The following HFM1 variants were observed in gnomAD, a reference collection of about 807,000 sequenced individuals.
HFM1 encodes the protein probable ATP-dependent DNA helicase HFM1.
A neutral mutation model predicts 192.1 loss-of-function variants in HFM1; 169 were observed. The observed-to-expected ratio is 0.88, with a 90% CI of 0.78 to 1.00. The LOEUF (loss-of-function observed/expected upper bound fraction) is 1.00. HFM1 is among the 50% of genes least tolerant of loss of function. HFM1 has a pLI of 0.00. For missense variants in HFM1, 1,661 were observed against 1,668.0 expected (o/e 1.00, Z 0.07); for synonymous variants, 525 against 537.8 (o/e 0.98, Z 0.33).
chr1:91,336,753 A>C (rs1441774889), intron 20 of HFM1, among the ~76,000 whole-genome samples: 1 of 152,198 alleles, frequency 6.6e-6, no homozygotes, highest in Non-Finnish European at 1.5e-5. Context: ...AGGAATACAA[A>C]TCATTCTTTT....
intron 20 of HFM1, among the ~76,000 whole-genome samples, chr1:91,338,097 C>T (rs1340492667): frequency 4.6e-5 from 7 of 152,150 alleles, no homozygotes; most frequent in Non-Finnish European, 7.4e-5. Flanking sequence ...GTGAGTTAAA[C>T]AGGTGAGGAG....
intron 4 of HFM1, among the ~76,000 whole-genome samples, chr1:91,390,438 A>G (rs1662817155): frequency 6.6e-6 from 1 of 151,756 alleles, no homozygotes. Flanking sequence ...TCCCAAAGAA[A>G]AAAAAAAAAA....
At position 91,394,158 on chromosome 1, in the gene HFM1, AG is replaced by A; in HGVS notation, c.428del (p.Pro143LeufsTer6). On this transcript the variant is annotated frameshift_variant, in exon 4 of 39. Transcript: ENST00000370425. LOFTEE classifies it high-confidence loss of function. ...CAAAATTAACTAATTTTGTATCATCAGGAACACTCTTCTCAGGTGCTATCTC... is the reference window on the plus strand; with the variant it reads ...CAAAATTAACTAATTTTGTATCATCAGAACACTCTTCTCAGGTGCTATCTC... ...GTEIAPEKSV[P>X]DDTKLVNFAE... 4 of 1,609,642 alleles carry A rather than the reference AG, an allele frequency of 2.5e-6. No homozygotes were observed. Among genetic ancestry groups the A allele is most frequent in the Non-Finnish European group, 2.6e-6 (3 of 1,176,428 alleles).
At chr1:91,263,309 G>T (rs995230398) in intron 36 of HFM1, among the ~76,000 whole-genome samples, 1 of 152,162 alleles carries the variant, frequency 6.6e-6, no homozygotes, top group Admixed American at 6.6e-5. Flanking sequence ...AGGCTAAAAT[G>T]TAACAGCCAT....
At position 91,347,484 on chromosome 1, in the gene HFM1, T is replaced by A. The variant is rs1022683228; in HGVS notation, c.2207-8A>T. 6.3e-7 allele frequency: 1 copy of A among 1,581,972 alleles called. No homozygotes were observed. The highest frequency in any genetic ancestry group is 1.7e-5 in the Admixed American group (1 of 57,270). ...TCAATCCAGATGCAAAACCTGCATG[T>A]CATGAAAAAGTAAAATAGAATTTAG... is the stretch of plus-strand genomic sequence containing the variant. On this transcript the variant is annotated splice_region_variant and splice_polypyrimidine_tract_variant and intron_variant, in intron 18 of 38. Transcript: ENST00000370425.
chr1:91,369,069 C>A (rs1483214924), intron 13 of HFM1, among the ~76,000 whole-genome samples: 1 of 152,114 alleles, frequency 6.6e-6, no homozygotes, highest in Non-Finnish European at 1.5e-5. Context: ...TATATATGCA[C>A]CCAATACAGG....
intron 9 of HFM1, 45 bp from the exon 10 acceptor site, chr1:91,378,525 A>G: frequency 9.0e-7 from 1 of 1,114,526 alleles, no homozygotes; most frequent in African/African-American, 1.6e-5. Flanking sequence ...GTGATAAGGA[A>G]TTATAATAAA....
chr1:91,266,995 G>C (rs1665826378), intron 35 of HFM1, among the ~76,000 whole-genome samples: 1 of 152,042 alleles, frequency 6.6e-6, no homozygotes, highest in Non-Finnish European at 1.5e-5. Flanking sequence ...AACATGAGGT[G>C]GGGTATGGTA....
At chr1:91,407,722 G>A (rs1451033648), upstream of HFM1, among the ~76,000 whole-genome samples, 2 of 152,028 alleles carry the variant, frequency 1.3e-5, no homozygotes, top group Non-Finnish European at 2.9e-5. Context: ...ATGAACATTC[G>A]TGTGTAAATA....
At chr1:91,382,295 T>G (rs1274576111) in intron 6 of HFM1, among the ~76,000 whole-genome samples, 1 of 152,172 alleles carries the variant, frequency 6.6e-6, no homozygotes, top group African/African-American at 2.4e-5. Context: ...TCTACTTTTT[T>G]CTTTTCCCAT....
chr1:91,316,527 AACAT>A, intron 25 of HFM1, 51 bp from the exon 26 acceptor site: 8 of 797,538 alleles, frequency 1.0e-5, no homozygotes, highest in Non-Finnish European at 1.5e-5. Context: ...CTTTAAATAA[AACAT>A]ATATTTAAAT....
intron 13 of HFM1, among the ~76,000 whole-genome samples, chr1:91,374,132 T>C (rs1200074712): frequency 6.6e-6 from 1 of 152,112 alleles, no homozygotes; most frequent in Non-Finnish European, 1.5e-5. Flanking sequence ...GCAAGCACCA[T>C]GCAAGACAAT....
Position 91,364,623 on chromosome 1 carries a change from TA to T in HFM1, c.1685+10734del, listed in dbSNP as rs1557453603. Among the ~76,000 whole-genome samples the T allele has an allele frequency of 5.0e-3, 190 of 38,026 alleles. 1 individual carries two copies. The highest frequency in any genetic ancestry group is 0.015 in the African/African-American group (170 of 11,670). The allele number at this position is 38,026 out of a possible 152,430, so 24.9% of individuals were successfully genotyped here. A position where few individuals can be genotyped will look rare whatever the true frequency, so the allele number is the denominator to read the frequency against. ...ATACATATACATATATATATATATA[TA>T]TATATATATTTTTTTTTTTTTTTTG... On this transcript the variant is annotated intron_variant, in intron 13 of 38. Transcript: ENST00000370425.
upstream of HFM1, chr1:91,404,841 A>G (rs904128910): frequency 2.2e-6 from 1 of 455,516 alleles, no homozygotes; most frequent in Admixed American, 2.4e-5. Flanking sequence ...CCGATTTATC[A>G]GCCCCTCTGA....
rs375745788 is a variant in HFM1, at chr1:91,394,232, C to T, written c.355G>A (p.Gly119Ser). Residue 119 changes from glycine to serine, a missense_variant, in exon 4 of 39, where the codon GGC becomes AGC. Gly to Ser is a moderately conservative substitution (Grantham distance 56, BLOSUM62 0). Coordinates refer to ENST00000370425, the MANE Select transcript of HFM1 (RefSeq NM_001017975.6). ...VGNNDLSHIAGKLTYASQKYK... is the reference protein window; with the variant it reads ...VGNNDLSHIASKLTYASQKYK... ...TTCTGAGAAGCATATGTCAGCTTGC[C>T]AGCAATATGTGATAAGTCATTATTA... The T allele has an allele frequency of 3.8e-6, 6 of 1,599,000 alleles. No individual in the cohort carries two copies. Among genetic ancestry groups the T allele is most frequent in the Admixed American group, 1.7e-5 (1 of 59,926 alleles).
chr1:91,292,910 C>G (rs1668947273), intron 30 of HFM1, among the ~76,000 whole-genome samples: 1 of 152,068 alleles, frequency 6.6e-6, no homozygotes, highest in South Asian at 2.1e-4. Flanking sequence ...ATATCTACAA[C>G]TATCTGATCT....
intron 30 of HFM1, among the ~76,000 whole-genome samples, chr1:91,287,299 T>A (rs865936860): frequency 6.6e-6 from 1 of 152,194 alleles, no homozygotes; most frequent in South Asian, 2.1e-4. Context: ...TCTCCCAGCA[T>A]GCAGCTGGAG....
intron 30 of HFM1, among the ~76,000 whole-genome samples, chr1:91,277,684 A>T (rs1442806227): frequency 7.7e-6 from 1 of 129,782 alleles, no homozygotes; most frequent in Non-Finnish European, 1.6e-5. Flanking sequence ...CACTATATAT[A>T]ATATATACTA....
chr1:91,375,743 A>T lies in HFM1; in HGVS notation c.1396-16T>A, dbSNP rs749407692. 14 of 1,609,252 alleles carry T rather than the reference A, an allele frequency of 8.7e-6. No homozygotes were observed. The South Asian group carries it at 1.4e-4, about 16-fold the overall frequency. On this transcript the variant is annotated splice_polypyrimidine_tract_variant and intron_variant, in intron 11 of 38. Transcript: ENST00000370425. Reference sequence around the variant, plus strand: ...ATTCTGCAATCTTTGAAACACAAAAATATGTGCATTAAAATTTTCTTCTAG... The same window carrying T: ...ATTCTGCAATCTTTGAAACACAAAATTATGTGCATTAAAATTTTCTTCTAG...
Sources: allele counts gnomAD v4.1 joint callset (sites outside exome capture counted in the v4.1 genomes callset), GRCh38; gene constraint gnomAD v4.1.1; transcripts MANE v1.5; gene names NCBI Gene and HGNC (gene_info 2026-07-23, HGNC 2026-07-21).